The following ZNF587B variants were observed in gnomAD, a reference collection of about 807,000 sequenced individuals.
ZNF587B encodes zinc finger protein 587B.
A neutral mutation model predicts 7.2 loss-of-function variants in ZNF587B; 6 were observed. The ratio of observed to expected loss-of-function variants is 0.83; its 90% confidence interval spans 0.46 to 1.65. ZNF587B has a LOEUF of 1.65. Among genes scored for constraint, ZNF587B ranks in the 40% most tolerant of loss-of-function variants. The pLI is 0.01. For missense variants in ZNF587B, 749 were observed against 761.0 expected (o/e 0.98, Z 0.19); for synonymous variants, 274 against 254.3 (o/e 1.08, Z -0.74).
intron 2 of ZNF587B, among the ~76,000 whole-genome samples, chr19:57,840,037 T>C (rs1208967897): frequency 1.5e-5 from 2 of 129,994 alleles, no homozygotes; most frequent in Admixed American, 1.9e-4. Flanking sequence ...ATCACGCCAC[T>C]GCACTCCAGC....
chr19:57,840,526 C>A (rs1343683254), intron 2 of ZNF587B, among the ~76,000 whole-genome samples: 2 of 152,182 alleles, frequency 1.3e-5, no homozygotes, highest in African/African-American at 4.8e-5. Flanking sequence ...AAATCCCTCT[C>A]TACAGCACTC....
Position 57,841,532 on chromosome 19 carries a change from T to A in ZNF587B, c.858T>A (p.Ile286=). 1 of 1,582,712 alleles carries A rather than the reference T, an allele frequency of 6.3e-7. No homozygotes were observed. Residue 286 remains isoleucine, a synonymous_variant, in exon 3 of 3, where the codon ATT becomes ATA. Coordinates refer to ENST00000594901, the MANE Select transcript of ZNF587B (RefSeq NM_001376223.1). The part of the protein sequence containing the change: ...EKSFSQKSSL[I]QHQQFHTGGK... The stretch of plus-strand genomic sequence containing the variant: ...CTTTTAGTCAAAAGAGCAGCCTCAT[T>A]CAACATCAGCAATTTCACACTGGAG...
In ZNF587B at chr19:57,839,097, A is replaced by G. The variant is rs181096830; in HGVS notation, c.111A>G (p.Arg37=). The change falls in exon 2 of 3, where the codon AGA becomes AGG. Residue 37 remains arginine (R), a synonymous_variant. Transcript: ENST00000594901. ...GGAATCTCCTTAGTGAGGCTCAGAG[A>G]TGCCTGTACCGTGATGTGACTCTGG... The part of the protein sequence containing the change: ...EEWNLLSEAQ[R]CLYRDVTLEN... 3,492 of 1,614,128 alleles carry G rather than the reference A, an allele frequency of 2.2e-3. 19 individuals are homozygous for G. The highest frequency in any genetic ancestry group is 1.7e-3 in the Non-Finnish European group (2,062 of 1,180,018).
At position 57,843,603 on chromosome 19, in the gene ZNF587B, T is replaced by TTTTTTTA; in HGVS notation, c.*1033_*1034insATTTTTT. The TTTTTTTA allele has an allele frequency of 1.2e-6, 1 of 816,966 alleles. No homozygotes were observed. The highest frequency in any genetic ancestry group is 1.5e-6 in the Non-Finnish European group (1 of 685,666). The allele number at this position is 816,966 out of a possible 1,614,324, so 50.6% of individuals were successfully genotyped here. On this transcript the variant is annotated 3_prime_UTR_variant, in exon 3 of 3. Transcript: ENST00000594901. ...GGTTGGTTGGTTGTTTTTTTTTGTT[T>TTTTTTTA]TTTTTTTTTTTTTTTTTGGAGACAA...
In ZNF587B at chr19:57,842,385, GTT is replaced by G; in HGVS notation, c.1712_1713del (p.Val571AlafsTer8). The G allele has an allele frequency of 6.2e-7, 1 of 1,602,372 alleles. No individual in the cohort carries two copies. Among genetic ancestry groups the G allele is most frequent in the Non-Finnish European group, 8.5e-7 (1 of 1,175,192 alleles). ...ASSYLTSHRR[V>X]HTGQKPYECS... ...CTCCTATCTCACTAGTCACAGGAGA[GTT>G]CACACTGGTCAGAAGCCTTATGAGT... is the stretch of plus-strand genomic sequence containing the variant. On this transcript the variant is annotated frameshift_variant, in exon 3 of 3. Coordinates refer to ENST00000594901, the MANE Select transcript of ZNF587B (RefSeq NM_001376223.1). LOFTEE classifies it low-confidence loss of function (END_TRUNC).
At chr19:57,839,185 GTC>G (rs1988746264) in intron 2 of ZNF587B, 36 bp downstream of exon 2, 1 of 1,611,238 alleles carries the variant, frequency 6.2e-7, no homozygotes, top group Non-Finnish European at 8.5e-7. Flanking sequence ...ACTTGAGCTA[GTC>G]TCTGTTTTCC....
rs1216458712 is a variant in ZNF587B, at chr19:57,843,644, G to GATACT, written c.*1069_*1073dup. 1 of 784,156 alleles carries GATACT rather than the reference G, an allele frequency of 1.3e-6. No individual in the cohort carries two copies. Among genetic ancestry groups the GATACT allele is most frequent in the Non-Finnish European group, 1.5e-6 (1 of 672,074 alleles). 48.6% of individuals were successfully genotyped at this position (784,156 alleles called of 1,614,324 possible). On this transcript the variant is annotated 3_prime_UTR_variant, in exon 3 of 3. Coordinates refer to ENST00000594901, the MANE Select transcript of ZNF587B (RefSeq NM_001376223.1). ...TTGGAGACAAAGTTTCACTGTCACC[G>GATACT]ATACTGGAGTGCAGTGGTGTGATCC...
chr19:57,839,147 T>C lies in ZNF587B; in HGVS notation c.161T>C (p.Leu54Pro), dbSNP rs759756626. The change falls in exon 2 of 3, where the codon CTG (leucine) becomes CCG (proline). Residue 54 changes from leucine to proline, a missense_variant and splice_region_variant. Coordinates refer to ENST00000594901, the MANE Select transcript of ZNF587B (RefSeq NM_001376223.1). ...GAGAACCTGGCACTTATGTCCTCCC[T>C]GGGTAAGTTGCTCACACTCACCCTG... ...TLENLALMSS[L>P]GCWCGVEDEA... is the part of the protein sequence containing the mutation. 3.4e-5 allele frequency: 55 copies of C among 1,614,040 alleles called. No individual in the cohort carries two copies. The highest frequency in any genetic ancestry group is 4.6e-5 in the Non-Finnish European group (54 of 1,180,014).
In ZNF587B at chr19:57,841,750, G is replaced by A; in HGVS notation, c.1076G>A (p.Cys359Tyr). The A allele has an allele frequency of 6.2e-7, 1 of 1,608,756 alleles. No homozygotes were observed. The highest frequency in any genetic ancestry group is 8.5e-7 in the Non-Finnish European group (1 of 1,177,588). Residue 359 changes from cysteine to tyrosine, a missense_variant, in exon 3 of 3, where the codon TGT (cysteine) becomes TAT (tyrosine). By Grantham distance (194) the Cys-to-Tyr change is radical. Coordinates refer to ENST00000594901, the MANE Select transcript of ZNF587B (RefSeq NM_001376223.1). ...TGERPYKCGE[C>Y]EKSFSRKPSL... is the part of the protein sequence containing the mutation. Reference sequence around the variant, plus strand: ...GAGAGACCTTACAAGTGTGGAGAATGTGAGAAATCTTTTAGTCGGAAGCCC... The same window carrying A: ...GAGAGACCTTACAAGTGTGGAGAATATGAGAAATCTTTTAGTCGGAAGCCC...
At chr19:57,840,032 G>A (rs1039709908) in intron 2 of ZNF587B, among the ~76,000 whole-genome samples, 3 of 135,166 alleles carry the variant, frequency 2.2e-5, no homozygotes, top group African/African-American at 8.1e-5. Flanking sequence ...CCCAGATCAC[G>A]CCACTGCACT....
intron 1 of ZNF587B, among the ~76,000 whole-genome samples, chr19:57,830,836 A>G (rs2122196081): frequency 6.6e-6 from 1 of 152,302 alleles, no homozygotes; most frequent in Middle Eastern, 3.4e-3. Flanking sequence ...CCGGCGGCCA[A>G]GAGATGGGTA....
rs761085224 is a variant in ZNF587B, at chr19:57,841,354, A to G, written c.680A>G (p.His227Arg). 4.4e-6 allele frequency: 7 copies of G among 1,600,592 alleles called. No individual in the cohort carries two copies. The Admixed American group carries it at 8.8e-5, about 20-fold the overall frequency. Residue 227 changes from histidine to arginine, a missense_variant, in exon 3 of 3, where the codon CAT (histidine) becomes CGT (arginine). Physicochemically the swap from His to Arg is conservative, Grantham distance 29. This residue lies in a region of ZNF587B where 656 missense variants were observed against 596.5 expected (regional missense o/e 1.10). Coordinates refer to ENST00000594901, the MANE Select transcript of ZNF587B (RefSeq NM_001376223.1). ...GDSMKHFSTK[H>R]ILSQHQRLLP... ...TCCATGAAACATTTTAGCACCAAAC[A>G]TATACTCAGTCAGCACCAGAGACTT...
Position 57,841,526 on chromosome 19 carries a change from C to T in ZNF587B, c.852C>T (p.Ser284=), listed in dbSNP as rs1201111172. The T allele has an allele frequency of 2.5e-6, 4 of 1,583,114 alleles. No homozygotes were observed. Among genetic ancestry groups the T allele is most frequent in the Non-Finnish European group, 3.4e-6 (4 of 1,163,968 alleles). Residue 284 remains serine (S), a synonymous_variant, in exon 3 of 3, where the codon AGC becomes AGT. Transcript: ENST00000594901. Reference sequence around the variant, plus strand: ...AGAAATCTTTTAGTCAAAAGAGCAGCCTCATTCAACATCAGCAATTTCACA... The same window carrying T: ...AGAAATCTTTTAGTCAAAAGAGCAGTCTCATTCAACATCAGCAATTTCACA... ...ECEKSFSQKS[S]LIQHQQFHTG... is the part of the protein sequence containing the mutation.
rs2036753309 is a variant in ZNF587B at position 57,843,793 on chromosome 19, G to T, written c.*1217G>T. On this transcript the variant is annotated 3_prime_UTR_variant, in exon 3 of 3. Coordinates refer to ENST00000594901, the MANE Select transcript of ZNF587B (RefSeq NM_001376223.1). ...ATTTTTGTACTTTTAGTAGAGATGG[G>T]GTTTCACTATGTTGGTCAAACTGAT... Among the ~76,000 whole-genome samples the T allele has an allele frequency of 6.6e-6, 1 of 151,566 alleles. No individual in the cohort carries two copies. Among genetic ancestry groups the T allele is most frequent in the Non-Finnish European group, 1.5e-5 (1 of 67,910 alleles).
chr19:57,844,410 A>G lies in ZNF587B; in HGVS notation c.*1834A>G, dbSNP rs1600111784. ...CAGCTACTCAGGAGGCTGAGGCAGG[A>G]AAATTGCTTGAACCCCGGGAGGTAG... is the stretch of plus-strand genomic sequence containing the variant. On this transcript the variant is annotated 3_prime_UTR_variant, in exon 3 of 3. Transcript: ENST00000594901. The G allele has an allele frequency of 3.5e-6, 1 of 284,134 alleles. No individual in the cohort carries two copies. Among genetic ancestry groups the G allele is most frequent in the South Asian group, 2.6e-5 (1 of 37,978 alleles). 17.6% of individuals were successfully genotyped at this position (284,134 alleles called of 1,614,324 possible). A position where few individuals can be genotyped will look rare whatever the true frequency, so the allele number is the denominator to read the frequency against.
Position 57,843,229 on chromosome 19 carries a change from C to T in ZNF587B, c.*653C>T. 4.4e-6 allele frequency: 4 copies of T among 908,914 alleles called. No individual in the cohort carries two copies. The highest frequency in any genetic ancestry group is 3.9e-6 in the Non-Finnish European group (3 of 760,428). 56.3% of individuals were successfully genotyped at this position (908,914 alleles called of 1,614,324 possible). On this transcript the variant is annotated 3_prime_UTR_variant, in exon 3 of 3. Transcript: ENST00000594901. ...CTGGTATCGAACTCCTGAGCTCAAGCAATCTGTACACCTCAGCCTCCCAAA... is the reference window on the plus strand; with the variant it reads ...CTGGTATCGAACTCCTGAGCTCAAGTAATCTGTACACCTCAGCCTCCCAAA...
chr19:57,832,091 T>C (rs1988430336), intron 1 of ZNF587B, among the ~76,000 whole-genome samples: 1 of 151,192 alleles, frequency 6.6e-6, no homozygotes, highest in Non-Finnish European at 1.5e-5. Context: ...GTCTTTTTCT[T>C]TTTGTTTTTT....
In ZNF587B at chr19:57,842,315, G is replaced by A; in HGVS notation, c.1641G>A (p.Gln547=). The part of the protein sequence containing the change: ...FIVHKRVHTG[Q]KPYECSECGK... ...TTCATAAGAGAGTTCACACTGGTCAGAAGCCTTATGAGTGCAGTGAATGTG... is the reference window on the plus strand; with the variant it reads ...TTCATAAGAGAGTTCACACTGGTCAAAAGCCTTATGAGTGCAGTGAATGTG... The change falls in exon 3 of 3, where the codon CAG becomes CAA. Residue 547 remains glutamine, a synonymous_variant. Transcript: ENST00000594901. 2 of 1,609,184 alleles carry A rather than the reference G, an allele frequency of 1.2e-6. No individual in the cohort carries two copies. Among genetic ancestry groups the A allele is most frequent in the Non-Finnish European group, 1.7e-6 (2 of 1,177,862 alleles).
chr19:57,836,952 C>G (rs922123052), intron 1 of ZNF587B, among the ~76,000 whole-genome samples: 31 of 125,230 alleles, frequency 2.5e-4, no homozygotes, highest in Non-Finnish European at 6.5e-5. Flanking sequence ...GACAGTGAGA[C>G]TCCGTCATAA....
Sources: gnomAD v4.1 joint callset for allele counts (sites outside exome capture counted in the v4.1 genomes callset) on GRCh38, gnomAD v4.1.1 for gene constraint, gnomAD v4.1.1 regional missense constraint, MANE v1.5 for transcripts, NCBI Gene and HGNC (gene_info 2026-07-23, HGNC 2026-07-21) for gene names.